LOC400499: variants seen among roughly 807,000 people sequenced by gnomAD.
chr16:11,474,833 G>A, the LOC400499 span, among the ~76,000 whole-genome samples: 4 of 152,130 alleles, frequency 2.6e-5, no homozygotes, highest in South Asian at 2.1e-4. Context: ...TTGCACCATT[G>A]CACTCCGGTC....
the LOC400499 span, among the ~76,000 whole-genome samples, chr16:11,437,622 CT>C: frequency 1.3e-5 from 2 of 152,282 alleles, no homozygotes; most frequent in Middle Eastern, 3.4e-3. Context: ...AATCCCAGAA[CT>C]TTGGAAGGCT....
At chr16:11,457,788 G>A in the LOC400499 span, among the ~76,000 whole-genome samples, 2 of 152,232 alleles carry the variant, frequency 1.3e-5, no homozygotes, top group South Asian at 4.1e-4. Flanking sequence ...ACAGATGAAC[G>A]GATAAACAAA....
the LOC400499 span, among the ~76,000 whole-genome samples, chr16:11,482,244 T>A: frequency 6.6e-6 from 1 of 152,068 alleles, no homozygotes; most frequent in South Asian, 2.1e-4. Context: ...GTCCAGGCTG[T>A]GGTGCAAGGA....
chr16:11,426,183 C>T, the LOC400499 span, among the ~76,000 whole-genome samples: 1 of 152,208 alleles, frequency 6.6e-6, no homozygotes, highest in Non-Finnish European at 1.5e-5. Context: ...CGCCTGTAAT[C>T]CCAGCACTTT....
the LOC400499 span, chr16:11,383,672 A>G: frequency 2.4e-6 from 3 of 1,232,286 alleles, no homozygotes; most frequent in Non-Finnish European, 3.0e-6. Context: ...AGGGGTACGA[A>G]TCCACGGGCA....
At chr16:11,383,553 C>T in the LOC400499 span, 1 of 1,198,594 alleles carries the variant, frequency 8.3e-7, no homozygotes, top group Non-Finnish European at 1.0e-6. Context: ...TATTTGTCCT[C>T]CCTGGTGAGA....
At chr16:11,443,345 A>AG in the LOC400499 span, 1 of 388,186 alleles carries the variant, frequency 2.6e-6, no homozygotes, top group Non-Finnish European at 4.9e-6. Context: ...AAAAAAAAAA[A>AG]AAAAAAAAAA....
chr16:11,388,070 G>T, the LOC400499 span, among the ~76,000 whole-genome samples: 1 of 152,156 alleles, frequency 6.6e-6, no homozygotes, highest in Admixed American at 6.5e-5. Flanking sequence ...CTCATACCCT[G>T]TTGTTGATGG....
the LOC400499 span, among the ~76,000 whole-genome samples, chr16:11,410,621 C>T: frequency 1.3e-5 from 2 of 152,168 alleles, no homozygotes; most frequent in Non-Finnish European, 2.9e-5. Flanking sequence ...TGGGAGGGTG[C>T]CTACCAAAAC....
the LOC400499 span, among the ~76,000 whole-genome samples, chr16:11,385,890 G>A: frequency 4.7e-4 from 72 of 152,200 alleles, no homozygotes; most frequent in African/African-American, 1.6e-3. Flanking sequence ...TTCACACATC[G>A]GCCAGGCACG....
At chr16:11,460,419 C>T in the LOC400499 span, 25 of 1,465,012 alleles carry the variant, frequency 1.7e-5, no homozygotes, top group African/African-American at 3.3e-4. Flanking sequence ...GTACTCAGAT[C>T]ACCACTTGCC....
chr16:11,391,873 A>C, the LOC400499 span: 1 of 1,203,992 alleles, frequency 8.3e-7, no homozygotes, highest in Non-Finnish European at 1.0e-6. Context: ...TGGACAGGGA[A>C]ACCGAGGCAG....
the LOC400499 span, chr16:11,493,765 G>T: frequency 2.5e-6 from 1 of 392,876 alleles, no homozygotes; most frequent in East Asian, 3.6e-5. Flanking sequence ...TGCCAAGCCC[G>T]CGTTGCCGAC....
the LOC400499 span, chr16:11,515,782 GA>G: frequency 1.5e-5 from 2 of 137,478 alleles, no homozygotes; most frequent in African/African-American, 4.4e-5. Context: ...GGAGGAGGAG[GA>G]AAAGGGAGGA....
At chr16:11,515,257 A>T in the LOC400499 span, among the ~76,000 whole-genome samples, 1 of 151,894 alleles carries the variant, frequency 6.6e-6, no homozygotes, top group Admixed American at 6.6e-5. Flanking sequence ...ATCAGCCTGG[A>T]CAACACAGCA....
At chr16:11,498,003 T>G in the LOC400499 span, among the ~76,000 whole-genome samples, 1 of 152,154 alleles carries the variant, frequency 6.6e-6, no homozygotes, top group African/African-American at 2.4e-5. Flanking sequence ...CTGATTTCAC[T>G]TTTCCAACAT....
chr16:11,432,068 G>A, the LOC400499 span, among the ~76,000 whole-genome samples: 1 of 152,174 alleles, frequency 6.6e-6, no homozygotes, highest in Non-Finnish European at 1.5e-5. Flanking sequence ...AGAGAGAGGG[G>A]GATGCACATG....
chr16:11,431,353 T>C, the LOC400499 span: 2 of 397,938 alleles, frequency 5.0e-6, no homozygotes, highest in South Asian at 1.4e-4. Flanking sequence ...TCTCTGGGCA[T>C]CAGTTTCTCC....
the LOC400499 span, among the ~76,000 whole-genome samples, chr16:11,422,450 A>C: frequency 6.6e-6 from 1 of 152,142 alleles, no homozygotes; most frequent in African/African-American, 2.4e-5. Context: ...CGGAAAGGAA[A>C]GGAAAGGAAA....
Sources: gnomAD v4.1 joint callset for allele counts (sites outside exome capture counted in the v4.1 genomes callset) on GRCh38, gnomAD v4.1.1 for gene constraint, MANE v1.5 for transcripts.